Variants in PPP2R2B observed in about 807,000 individuals in gnomAD.
PPP2R2B encodes serine/threonine-protein phosphatase 2A 55 kDa regulatory subunit B beta isoform.
PPP2R2B carries 5 observed loss-of-function variants against 46.0 expected under a neutral mutation model. The ratio of observed to expected loss-of-function variants is 0.11; its 90% CI spans 0.06 to 0.23. The LOEUF (loss-of-function observed/expected upper bound fraction) is 0.23, where lower values mean the gene tolerates loss of function less well. Ranked by LOEUF, PPP2R2B falls within the 10% of genes least tolerant of loss-of-function variation. The probability of loss-of-function intolerance (pLI) is 1.00; values close to 1 mark genes in which losing one functional copy is unlikely to be tolerated. For synonymous variants in PPP2R2B, 215 were observed against 206.7 expected (o/e 1.04, Z -0.34); for missense variants, 367 against 575.0 (o/e 0.64, Z 3.70).
intron 1 of PPP2R2B, among the ~76,000 whole-genome samples, chr5:146,892,595 A>G (rs1190313294): frequency 6.6e-6 from 1 of 152,108 alleles, no homozygotes; most frequent in South Asian, 2.1e-4. Context: ...CACGCTCCTC[A>G]CTAAGTCAGT....
intron 2 of PPP2R2B, among the ~76,000 whole-genome samples, chr5:146,838,552 C>T (rs916852938): frequency 4.4e-5 from 5 of 114,028 alleles, no homozygotes; most frequent in Non-Finnish European, 8.5e-5. Flanking sequence ...GCCCAGAGGA[C>T]AAAGTGAGCC....
intron 1 of PPP2R2B, among the ~76,000 whole-genome samples, chr5:147,002,093 G>A (rs953553765): frequency 1.3e-5 from 2 of 152,022 alleles, no homozygotes; most frequent in Admixed American, 1.3e-4. Flanking sequence ...TCTCTTCTCC[G>A]AGGCTAGTCC....
At chr5:146,776,465 T>C (rs181515675) in intron 2 of PPP2R2B, among the ~76,000 whole-genome samples, 13 of 152,100 alleles carry the variant, frequency 8.5e-5, no homozygotes, top group Admixed American at 2.0e-4. Context: ...AAGAATGAAG[T>C]TGGGCCCTAC....
At position 146,625,956 on chromosome 5, in the gene PPP2R2B, G is replaced by A. The variant is rs113241401; in HGVS notation, c.790+12295C>T. On this transcript the variant is annotated intron_variant, in intron 7 of 9. Coordinates refer to ENST00000394411, the MANE Select transcript of PPP2R2B (RefSeq NM_181675.4). ...GCTAGCTTTGACAATGGAAGAAGGG[G>A]CCATTAGCCATGGAATGTGGGCAGC... Among the ~76,000 whole-genome samples the A allele has an allele frequency of 7.3e-3, 1,108 of 152,304 alleles. 23 individuals are homozygous for A. Among genetic ancestry groups the A allele is most frequent in the African/African-American group, 0.025 (1,053 of 41,556 alleles).
At chr5:146,869,948 G>A (rs1298423077) in intron 2 of PPP2R2B, among the ~76,000 whole-genome samples, 2 of 151,410 alleles carry the variant, frequency 1.3e-5, no homozygotes, top group Non-Finnish European at 2.9e-5. Flanking sequence ...GTCCTTCCTG[G>A]TGGTATTTTG....
intron 2 of PPP2R2B, among the ~76,000 whole-genome samples, chr5:146,728,507 C>A (rs1005752303): frequency 6.6e-6 from 1 of 152,132 alleles, no homozygotes; most frequent in Admixed American, 6.6e-5. Flanking sequence ...CACTCCACAT[C>A]CTGTTGGTTA....
At chr5:146,971,039 G>A (rs986468333) in intron 1 of PPP2R2B, among the ~76,000 whole-genome samples, 1 of 152,068 alleles carries the variant, frequency 6.6e-6, no homozygotes, top group African/African-American at 2.4e-5. Context: ...ATATTTTGTT[G>A]TTTCCAAAGC....
At chr5:147,018,037 GCGCGCGCACACACACA>G (rs1325481203) in intron 1 of PPP2R2B, among the ~76,000 whole-genome samples, 3,733 of 119,064 alleles carry the variant, frequency 0.031, 55 homozygotes, top group African/African-American at 0.039. Flanking sequence ...ACACATGCAT[GCGCGCGCACACACACA>G]CACACACACA....
At chr5:146,802,237 C>T (rs928502568) in intron 2 of PPP2R2B, among the ~76,000 whole-genome samples, 23 of 152,172 alleles carry the variant, frequency 1.5e-4, no homozygotes, top group Non-Finnish European at 4.4e-5. Context: ...TTTCCCTGCT[C>T]TCTCTAGAAT....
At chr5:146,592,421 G>T (rs899603610) in intron 9 of PPP2R2B, among the ~76,000 whole-genome samples, 1 of 152,266 alleles carries the variant, frequency 6.6e-6, no homozygotes, top group South Asian at 2.1e-4. Flanking sequence ...AGAATCATTT[G>T]TATTTGTCAA....
At chr5:146,955,473 T>C (rs1219343775) in intron 1 of PPP2R2B, among the ~76,000 whole-genome samples, 1 of 152,090 alleles carries the variant, frequency 6.6e-6, no homozygotes, top group Non-Finnish European at 1.5e-5. Context: ...AAACTATAAA[T>C]TACGTCCCCA....
At chr5:147,041,239 C>T (rs1453183306) in intron 1 of PPP2R2B, among the ~76,000 whole-genome samples, 3 of 152,130 alleles carry the variant, frequency 2.0e-5, no homozygotes, top group Admixed American at 1.3e-4. Flanking sequence ...CTGTCTGACT[C>T]GATGAGGACT....
intron 6 of PPP2R2B, among the ~76,000 whole-genome samples, chr5:146,647,221 T>TAAATA (rs1775641861): frequency 8.5e-6 from 1 of 117,256 alleles, no homozygotes; most frequent in African/African-American, 3.1e-5. Flanking sequence ...TGACGTTCAC[T>TAAATA]ATTGCTTAGA....
intron 1 of PPP2R2B, chr5:147,040,808 T>TAA (rs35011506): frequency 0.021 from 8,034 of 382,638 alleles, no homozygotes; most frequent in South Asian, 0.031. Context: ...TGAGTTTCCT[T>TAA]AAAAAAAAAA....
chr5:146,790,513 C>A (rs1582110115), intron 2 of PPP2R2B, among the ~76,000 whole-genome samples: 1 of 152,258 alleles, frequency 6.6e-6, no homozygotes, highest in South Asian at 2.1e-4. Flanking sequence ...GGGGCAGTAG[C>A]ATTGGGAGCG....
intron 6 of PPP2R2B, among the ~76,000 whole-genome samples, chr5:146,649,637 T>C (rs184942128): frequency 2.0e-5 from 3 of 152,082 alleles, no homozygotes; most frequent in East Asian, 1.9e-4. Context: ...TTTAGTAAAG[T>C]TGGGGCCTTG....
In PPP2R2B at chr5:147,070,739, G is replaced by A. The variant is rs867072353; in HGVS notation, c.50+10320C>T. Reference sequence around the variant, plus strand: ...TTTTCCTGTAGCTGATACTATTGTCGGACTACCTTGAATCACATCCTCATT... The same window carrying A: ...TTTTCCTGTAGCTGATACTATTGTCAGACTACCTTGAATCACATCCTCATT... On this transcript the variant is annotated intron_variant, in intron 2 of 10. Coordinates refer to the PPP2R2B transcript ENST00000394413. Among the ~76,000 whole-genome samples the A allele has an allele frequency of 3.3e-5, 5 of 152,076 alleles. No individual in the cohort carries two copies. In the East Asian group the frequency reaches 9.6e-4, roughly 29 times the overall value.
rs183322914 is a variant in PPP2R2B at position 146,854,627 on chromosome 5, G to C, written c.70+23375C>G. Among the ~76,000 whole-genome samples, 264 of 152,248 alleles carry C rather than the reference G, an allele frequency of 1.7e-3. 1 individual carries two copies. The highest frequency in any genetic ancestry group is 5.7e-3 in the African/African-American group (236 of 41,558). Reference sequence around the variant, plus strand: ...ATTTCTGAAGAAAGTAACTAAACTTGTGAAAATGACACCTTGAAGTGATTC... The same window carrying C: ...ATTTCTGAAGAAAGTAACTAAACTTCTGAAAATGACACCTTGAAGTGATTC... On this transcript the variant is annotated intron_variant, in intron 2 of 9. Coordinates refer to ENST00000394411, the MANE Select transcript of PPP2R2B (RefSeq NM_181675.4).
At chr5:146,815,491 A>G (rs1185747744) in intron 2 of PPP2R2B, among the ~76,000 whole-genome samples, 2 of 152,258 alleles carry the variant, frequency 1.3e-5, no homozygotes, top group Non-Finnish European at 2.9e-5. Flanking sequence ...GAATCAAAGG[A>G]TTTAGAGTAC....
Sources: gnomAD v4.1 joint callset for allele counts (sites outside exome capture counted in the v4.1 genomes callset) on GRCh38, gnomAD v4.1.1 for gene constraint, MANE v1.5 for transcripts, NCBI Gene and HGNC (gene_info 2026-07-23, HGNC 2026-07-21) for gene names.